Variants in VIPAS39 observed in about 807,000 individuals in gnomAD.
The protein encoded by VIPAS39 is spermatogenesis-defective protein 39 homolog.
A neutral mutation model predicts 84.7 loss-of-function variants in VIPAS39; 63 were observed. The ratio of observed to expected loss-of-function variants is 0.74; its 90% CI spans 0.61 to 0.92. VIPAS39 has a LOEUF of 0.92. Ranked by LOEUF, VIPAS39 falls within the 40% of genes least tolerant of loss-of-function variation. The probability of loss-of-function intolerance (pLI) is 0.00; values close to 1 mark genes in which losing one functional copy is unlikely to be tolerated. For synonymous variants in VIPAS39, 192 were observed against 216.5 expected (o/e 0.89, Z 0.99); for missense variants, 499 against 604.5 (o/e 0.83, Z 1.83).
Position 77,457,477 on chromosome 14 carries a change from G to A in VIPAS39, c.-1+18C>T. On this transcript the variant is annotated intron_variant, in intron 1 of 19. Coordinates refer to ENST00000557658, the MANE Select transcript of VIPAS39 (RefSeq NM_001193315.2). The stretch of plus-strand genomic sequence containing the variant: ...ATCCAGCCAGATACGCGACCCAAGG[G>A]GCTTGGGACACCCTCACCTCTTCCG... 2.2e-6 allele frequency: 3 copies of A among 1,366,390 alleles called. 1 individual carries two copies. The South Asian group carries it at 3.8e-5, about 17-fold the overall frequency. The allele number at this position is 1,366,390 out of a possible 1,614,324, so 84.6% of individuals were successfully genotyped here.
intron 6 of VIPAS39, 150 bp downstream of exon 6, chr14:77,449,143 A>G: frequency 1.2e-6 from 1 of 826,770 alleles, no homozygotes; most frequent in East Asian, 2.6e-5. Flanking sequence ...ACCCCAGGTA[A>G]GCCCTCATGT....
At chr14:77,457,385 C>A in intron 1 of VIPAS39, 110 bp downstream of exon 1, 3 of 1,535,560 alleles carry the variant, frequency 2.0e-6, no homozygotes, top group Non-Finnish European at 2.6e-6. Context: ...GAGAATCAGG[C>A]CTGTAGTCAT....
intron 7 of VIPAS39, among the ~76,000 whole-genome samples, chr14:77,447,227 G>A (rs768958148): frequency 5.9e-5 from 9 of 151,908 alleles, no homozygotes; most frequent in Non-Finnish European, 8.8e-5. Context: ...GTTTCTCCAT[G>A]TTGGTCAGGC....
At chr14:77,446,696 A>T (rs74809274) in intron 7 of VIPAS39, among the ~76,000 whole-genome samples, 2,740 of 152,320 alleles carry the variant, frequency 0.018, 34 homozygotes, top group Non-Finnish European at 0.029. Flanking sequence ...AAGTATCTTG[A>T]TTTCAACATT....
intron 7 of VIPAS39, among the ~76,000 whole-genome samples, chr14:77,448,176 G>A (rs1205654747): frequency 6.6e-6 from 1 of 150,714 alleles, no homozygotes; most frequent in Non-Finnish European, 1.5e-5. Flanking sequence ...GGATGGTCTT[G>A]ATCTCTTGAC....
At chr14:77,439,732 T>C (rs2078670781) in intron 11 of VIPAS39, among the ~76,000 whole-genome samples, 1 of 151,862 alleles carries the variant, frequency 6.6e-6, no homozygotes. Context: ...GTAAACTATA[T>C]GATCACGCAC....
At chr14:77,454,163 A>G in intron 1 of VIPAS39, 61 bp from the exon 2 acceptor site, 3 of 1,508,912 alleles carry the variant, frequency 2.0e-6, no homozygotes, top group Non-Finnish European at 2.8e-6. Flanking sequence ...GAGTTCCAAA[A>G]GCTTTAGTTT....
chr14:77,429,169 A>G, intron 17 of VIPAS39, 74 bp from the exon 18 acceptor site: 1 of 1,404,864 alleles, frequency 7.1e-7, no homozygotes, highest in Non-Finnish European at 1.0e-6. Context: ...TAGAAAAGAA[A>G]GTCCTGAAGA....
chr14:77,443,984 C>G (rs762475401), intron 8 of VIPAS39, among the ~76,000 whole-genome samples: 1 of 149,572 alleles, frequency 6.7e-6, no homozygotes, highest in Non-Finnish European at 1.5e-5. Flanking sequence ...GAGGCTACAG[C>G]GAGCCATCAT....
intron 4 of VIPAS39, 128 bp downstream of exon 4, chr14:77,451,059 T>G (rs1159862590): frequency 2.2e-6 from 3 of 1,386,826 alleles, no homozygotes; most frequent in Non-Finnish European, 3.1e-6. Flanking sequence ...AACACCCAGC[T>G]GCCACCTCCA....
At chr14:77,450,157 C>T (rs2078859891) in intron 4 of VIPAS39, among the ~76,000 whole-genome samples, 1 of 152,314 alleles carries the variant, frequency 6.6e-6, no homozygotes, top group Non-Finnish European at 1.5e-5. Context: ...CTCTTGGTAA[C>T]CACCATTCTA....
intron 3 of VIPAS39, among the ~76,000 whole-genome samples, chr14:77,452,779 C>CAAAAAAAAAAAAAAAAAAAAAAAAAA (rs11418833): frequency 9.4e-6 from 1 of 106,818 alleles, no homozygotes; most frequent in Non-Finnish European, 1.8e-5. Flanking sequence ...GACTCCATCT[C>CAAAAAAAAAAAAAAAAAAAAAAAAAA]AAAAAAAAAA....
intron 16 of VIPAS39, among the ~76,000 whole-genome samples, chr14:77,432,793 TA>T (rs2078543633): frequency 6.6e-6 from 1 of 152,158 alleles, no homozygotes; most frequent in South Asian, 2.1e-4. Context: ...GCAGGATGAA[TA>T]AATCTAGAAA....
rs2078914104 is a variant in VIPAS39 at position 77,453,417 on chromosome 14, A to G, written c.94-16T>C. 1 of 1,611,768 alleles carries G rather than the reference A, an allele frequency of 6.2e-7. No homozygotes were observed. Among genetic ancestry groups the G allele is most frequent in the African/African-American group, 1.3e-5 (1 of 74,822 alleles). ...ACTCCTTTAACTGCAGAGGGACACA[A>G]GGCTAGGGTGCTCAGGCAAATCATC... On this transcript the variant is annotated splice_polypyrimidine_tract_variant and intron_variant, in intron 2 of 19. Coordinates refer to ENST00000557658, the MANE Select transcript of VIPAS39 (RefSeq NM_001193315.2).
chr14:77,446,206 T>C (rs151084258), intron 7 of VIPAS39, among the ~76,000 whole-genome samples: 21 of 152,366 alleles, frequency 1.4e-4, no homozygotes, highest in African/African-American at 4.6e-4. Flanking sequence ...CTAGAAGTTT[T>C]ATAGCTTTAA....
chr14:77,428,559 C>A, intron 18 of VIPAS39, 85 bp from the exon 19 acceptor site: 1 of 1,137,780 alleles, frequency 8.8e-7, no homozygotes. Context: ...AACTCCTGGG[C>A]TCAAGCAATC....
At chr14:77,436,671 C>G (rs1050806483) in intron 12 of VIPAS39, among the ~76,000 whole-genome samples, 3 of 152,092 alleles carry the variant, frequency 2.0e-5, no homozygotes, top group African/African-American at 7.2e-5. Context: ...TCTTGATCTC[C>G]TAACCTCGTG....
rs142462363 is a variant in VIPAS39 at position 77,439,729 on chromosome 14, A to G, written c.762+1337T>C. Among the ~76,000 whole-genome samples, 680 of 152,110 alleles carry G rather than the reference A, an allele frequency of 4.5e-3. 4 individuals carry two copies. Among genetic ancestry groups the G allele is most frequent in the Non-Finnish European group, 8.2e-3 (558 of 67,996 alleles). On this transcript the variant is annotated intron_variant, in intron 11 of 19. Coordinates refer to ENST00000557658, the MANE Select transcript of VIPAS39 (RefSeq NM_001193315.2). ...AGGAATTGAGAGTCTGCAGTAAACT[A>G]TATGATCACGCACCACTGTACTCCA...
chr14:77,448,398 G>T, intron 7 of VIPAS39, 96 bp downstream of exon 7: 1 of 1,235,072 alleles, frequency 8.1e-7, no homozygotes, highest in Non-Finnish European at 1.2e-6. Context: ...GAAATTCATT[G>T]AACAAATGAG....
Sources: allele counts gnomAD v4.1 joint callset (sites outside exome capture counted in the v4.1 genomes callset), GRCh38; gene constraint gnomAD v4.1.1; transcripts MANE v1.5; gene names NCBI Gene and HGNC (gene_info 2026-07-23, HGNC 2026-07-21).